The following CNTN5 variants were observed in gnomAD, a reference collection of about 807,000 sequenced individuals.
CNTN5 encodes contactin-5.
A neutral mutation model predicts 129.1 loss-of-function variants in CNTN5; 77 were observed. That is an observed-to-expected ratio of 0.60 (90% CI 0.50 to 0.72). The LOEUF is 0.72. Among genes scored for constraint, CNTN5 ranks in the 30% least tolerant of loss-of-function variants. CNTN5 has a pLI of 0.00. For synonymous variants in CNTN5, 509 were observed against 465.6 expected (o/e 1.09, Z -1.20); for missense variants, 1,478 against 1,328.8 (o/e 1.11, Z -1.75).
intron 3 of CNTN5, among the ~76,000 whole-genome samples, chr11:99,764,841 G>A (rs745437799): frequency 1.5e-4 from 23 of 152,006 alleles, no homozygotes; most frequent in Non-Finnish European, 2.2e-4. Context: ...CCTAGTAAAC[G>A]CATATGGCTG....
intron 2 of CNTN5, among the ~76,000 whole-genome samples, chr11:99,447,711 G>A (rs547063189): frequency 9.4e-4 from 143 of 152,302 alleles, no homozygotes; most frequent in African/African-American, 3.4e-3. Flanking sequence ...CAGATCACGA[G>A]GTCAGGAGTT....
chr11:99,464,516 G>C (rs978721934), intron 2 of CNTN5, among the ~76,000 whole-genome samples: 1 of 152,134 alleles, frequency 6.6e-6, no homozygotes, highest in Non-Finnish European at 1.5e-5. Flanking sequence ...AGATGTCTAA[G>C]TTTCTAAGTA....
intron 1 of CNTN5, among the ~76,000 whole-genome samples, chr11:99,146,283 T>C (rs1174084427): frequency 6.6e-6 from 1 of 152,136 alleles, no homozygotes; most frequent in East Asian, 1.9e-4. Flanking sequence ...AAAGGAAATA[T>C]ATAGGTATAT....
At chr11:99,975,076 G>T (rs964432489) in intron 8 of CNTN5, among the ~76,000 whole-genome samples, 1 of 152,184 alleles carries the variant, frequency 6.6e-6, no homozygotes, top group Non-Finnish European at 1.5e-5. Context: ...GGCCATTGCC[G>T]CAGGCCCTTC....
chr11:100,165,399 A>T (rs1400877096), intron 13 of CNTN5, among the ~76,000 whole-genome samples: 9 of 151,772 alleles, frequency 5.9e-5, no homozygotes, highest in African/African-American at 2.2e-4. Context: ...GAAATGAATA[A>T]ATTAATGAAT....
intron 3 of CNTN5, among the ~76,000 whole-genome samples, chr11:99,744,928 G>C (rs1249300503): frequency 6.6e-6 from 1 of 152,184 alleles, no homozygotes; most frequent in South Asian, 2.1e-4. Flanking sequence ...TAAGGCAGGC[G>C]TTATTTTTAG....
chr11:99,144,896 G>T (rs1399788343), intron 1 of CNTN5, among the ~76,000 whole-genome samples: 1 of 151,264 alleles, frequency 6.6e-6, no homozygotes, highest in African/African-American at 2.4e-5. Context: ...TCCTTTCCAG[G>T]CATTTTATAT....
intron 2 of CNTN5, among the ~76,000 whole-genome samples, chr11:99,498,723 T>G (rs1401147556): frequency 6.6e-6 from 1 of 152,140 alleles, no homozygotes; most frequent in African/African-American, 2.4e-5. Context: ...CATAAGCTAT[T>G]AGGGAAAAAT....
In CNTN5 at chr11:99,891,890, C is replaced by T. The variant is rs370105855; in HGVS notation, c.578-24164C>T. On this transcript the variant is annotated intron_variant, in intron 6 of 24. Coordinates refer to ENST00000524871, the MANE Select transcript of CNTN5 (RefSeq NM_014361.4). ...CAAGTGGTATTTCTAGTTCTAGATC[C>T]TTGAGGAATCACCACACTGTCTTCC... Among the ~76,000 whole-genome samples the T allele has an allele frequency of 2.6e-5, 4 of 152,074 alleles. No homozygotes were observed. In the East Asian group the frequency reaches 5.8e-4, roughly 22 times the overall value.
At chr11:99,088,342 G>A (rs989512312) in intron 1 of CNTN5, among the ~76,000 whole-genome samples, 5 of 152,104 alleles carry the variant, frequency 3.3e-5, no homozygotes, top group African/African-American at 1.2e-4. Context: ...TATGATTTTG[G>A]AGGAATACTG....
chr11:99,585,316 T>C (rs897617408), intron 3 of CNTN5, among the ~76,000 whole-genome samples: 1 of 152,196 alleles, frequency 6.6e-6, no homozygotes, highest in East Asian at 1.9e-4. Context: ...TGACTACATA[T>C]GTGTGAGAGC....
chr11:99,188,470 G>T (rs1218638913), intron 1 of CNTN5, among the ~76,000 whole-genome samples: 2 of 151,722 alleles, frequency 1.3e-5, no homozygotes, highest in African/African-American at 4.8e-5. Flanking sequence ...TGATAGGTGA[G>T]AAATGAGCTC....
chr11:99,590,679 T>C lies in CNTN5; in HGVS notation c.55+34410T>C, dbSNP rs139298625. Among the ~76,000 whole-genome samples, 501 of 152,296 alleles carry C rather than the reference T, an allele frequency of 3.3e-3. 2 individuals carry two copies. The highest frequency in any genetic ancestry group is 0.012 in the African/African-American group (483 of 41,554). On this transcript the variant is annotated intron_variant, in intron 3 of 24. Transcript: ENST00000524871. ...AAGGGAATAGCAAATGCAAAGGCTA[T>C]GGCAGGAAAGAGTTTAGAGTAAGAA...
chr11:99,233,885 G>A lies in CNTN5; in HGVS notation c.-209-91461G>A, dbSNP rs565508731. Among the ~76,000 whole-genome samples, 11 of 152,276 alleles carry A rather than the reference G, an allele frequency of 7.2e-5. No homozygotes were observed. The South Asian group carries it at 2.3e-3, about 32-fold the overall frequency. ...GGTGTGAACCCGGAAGGCGGAGCTT[G>A]CAGTGAGCGGAGATCGCACCACTGC... On this transcript the variant is annotated intron_variant, in intron 1 of 24. Coordinates refer to ENST00000524871, the MANE Select transcript of CNTN5 (RefSeq NM_014361.4).
At chr11:99,710,579 G>GCA (rs1954941011) in intron 3 of CNTN5, among the ~76,000 whole-genome samples, 3 of 133,288 alleles carry the variant, frequency 2.3e-5, no homozygotes, top group Admixed American at 1.6e-4. Context: ...GTGTGTGTGT[G>GCA]TGTGTGTGTG....
At chr11:99,623,353 C>T (rs1000214674) in intron 3 of CNTN5, among the ~76,000 whole-genome samples, 1 of 152,050 alleles carries the variant, frequency 6.6e-6, no homozygotes, top group Non-Finnish European at 1.5e-5. Context: ...GGTCAAGATA[C>T]TATCTTTGAC....
chr11:100,064,666 T>G (rs2137827252), intron 10 of CNTN5, among the ~76,000 whole-genome samples: 1 of 152,206 alleles, frequency 6.6e-6, no homozygotes, highest in Non-Finnish European at 1.5e-5. Flanking sequence ...GCTATTTCTG[T>G]CCCCTCTAGT....
chr11:99,878,024 C>T (rs1038728091), intron 6 of CNTN5, among the ~76,000 whole-genome samples: 21 of 152,140 alleles, frequency 1.4e-4, no homozygotes, highest in Admixed American at 6.5e-5. Flanking sequence ...CTTATTAAGA[C>T]ACCCCACAAG....
intron 2 of CNTN5, among the ~76,000 whole-genome samples, chr11:99,451,911 A>G (rs922304227): frequency 2.6e-5 from 4 of 152,196 alleles, no homozygotes; most frequent in African/African-American, 9.6e-5. Context: ...AATTCAATAA[A>G]TGGTGCCCTA....
Sources: allele counts gnomAD v4.1 joint callset (sites outside exome capture counted in the v4.1 genomes callset), GRCh38; gene constraint gnomAD v4.1.1; transcripts MANE v1.5; gene names NCBI Gene and HGNC (gene_info 2026-07-23, HGNC 2026-07-21).